Variants in SNAPC3 observed in about 807,000 individuals in gnomAD.
SNAPC3 encodes the protein small nuclear RNA activating complex polypeptide 3.
SNAPC3 carries 56 observed loss-of-function variants against 47.7 expected under a neutral mutation model. The observed-to-expected ratio is 1.18, with a 90% CI of 0.95 to 1.47. The LOEUF (loss-of-function observed/expected upper bound fraction) is 1.47. SNAPC3 is among the 40% of genes most tolerant of loss of function. The pLI is 0.00. For synonymous variants in SNAPC3, 235 were observed against 189.9 expected, an observed-to-expected ratio of 1.24 and a Z score of -1.95; for missense variants, 665 against 511.3, an observed-to-expected ratio of 1.30 and a Z score of -2.90.
chr9:15,423,341 G>C, intron 1 of SNAPC3, 148 bp downstream of exon 1: 1 of 798,240 alleles, frequency 1.3e-6, no homozygotes, highest in South Asian at 2.1e-5. Flanking sequence ...CAACCCGCTG[G>C]AGCCTTCCTG....
intron 2 of SNAPC3, among the ~76,000 whole-genome samples, chr9:15,428,038 G>A (rs1292058789): frequency 6.6e-6 from 1 of 150,518 alleles, no homozygotes; most frequent in African/African-American, 2.5e-5. Flanking sequence ...TTGAACCCGG[G>A]AGGTGGAGGT....
chr9:15,428,366 G>T (rs991476697), intron 2 of SNAPC3, among the ~76,000 whole-genome samples: 2 of 151,848 alleles, frequency 1.3e-5, no homozygotes, highest in African/African-American at 2.4e-5. Flanking sequence ...AAGTCTAGCC[G>T]GTCGTGGTGG....
chr9:15,449,561 A>ATTTT (rs1216051655), intron 5 of SNAPC3, among the ~76,000 whole-genome samples: 3 of 43,284 alleles, frequency 6.9e-5, no homozygotes, highest in Non-Finnish European at 1.1e-4. Context: ...ATATATATAT[A>ATTTT]TATTTTTTTT....
At chr9:15,442,811 A>G (rs1587300902) in intron 3 of SNAPC3, among the ~76,000 whole-genome samples, 1 of 152,186 alleles carries the variant, frequency 6.6e-6, no homozygotes, top group African/African-American at 2.4e-5. Context: ...TTGGGAGGCC[A>G]AGGCAGGCGG....
intron 7 of SNAPC3, among the ~76,000 whole-genome samples, chr9:15,454,944 TAAA>T (rs2034665134): frequency 6.6e-6 from 1 of 151,832 alleles, no homozygotes; most frequent in African/African-American, 2.4e-5. Flanking sequence ...AAAAAATAAA[TAAA>T]TAAGAAAATT....
rs377303868 is a variant in SNAPC3 at position 15,427,413 on chromosome 9, A to G, written c.392+3427A>G. Among the ~76,000 whole-genome samples the G allele has an allele frequency of 1.1e-4, 16 of 152,200 alleles. No homozygotes were observed. The East Asian group carries it at 1.5e-3, about 15-fold the overall frequency. The stretch of plus-strand genomic sequence containing the variant: ...GCCCAGGTTAGAGTGCAGTGGCTCA[A>G]TCTCTCCTCACTGCAACTTCTGCCT... On this transcript the variant is annotated intron_variant, in intron 2 of 8. Transcript: ENST00000380821.
intron 2 of SNAPC3, among the ~76,000 whole-genome samples, chr9:15,429,274 A>G (rs976305382): frequency 2.6e-5 from 4 of 152,222 alleles, no homozygotes; most frequent in South Asian, 2.1e-4. Flanking sequence ...AAGGTTATAG[A>G]AAAAGAGTTT....
At chr9:15,454,064 C>G (rs1057274558) in intron 7 of SNAPC3, among the ~76,000 whole-genome samples, 2 of 152,054 alleles carry the variant, frequency 1.3e-5, no homozygotes, top group African/African-American at 4.8e-5. Context: ...GTGAAACCCT[C>G]TCTACAAAGA....
At position 15,447,139 on chromosome 9, in the gene SNAPC3, T is replaced by G; in HGVS notation, c.627T>G (p.Ser209Arg). The change falls in exon 5 of 9, where the codon AGT becomes AGG. Residue 209 changes from serine (S) to arginine (R), a missense_variant. Ser to Arg is a moderately radical substitution (Grantham distance 110). Transcript: ENST00000380821. Reference protein sequence around the residue: ...KPYQTMLVLGSQKLTQLRDSI... With the variant: ...KPYQTMLVLGRQKLTQLRDSI... ...ACCAAACAATGCTGGTGTTGGGCAG[T>G]CAAAAACTCACACAACTGAGGGATT... 6.2e-7 allele frequency: 1 copy of G among 1,614,038 alleles called. No homozygotes were observed. The highest frequency in any genetic ancestry group is 8.5e-7 in the Non-Finnish European group (1 of 1,179,894).
intron 7 of SNAPC3, among the ~76,000 whole-genome samples, chr9:15,454,720 G>A (rs1408579061): frequency 3.3e-5 from 5 of 152,026 alleles, no homozygotes; most frequent in Admixed American, 1.3e-4. Context: ...GGCAGATCAC[G>A]AGGTCAGGAG....
chr9:15,451,488 A>G (rs1007563731), intron 6 of SNAPC3, 86 bp downstream of exon 6: 20 of 551,654 alleles, frequency 3.6e-5, no homozygotes, highest in East Asian at 5.9e-5. Context: ...TTATTGGCCT[A>G]TTAAGGACCT....
chr9:15,432,659 T>A (rs747093869), intron 2 of SNAPC3, among the ~76,000 whole-genome samples: 1 of 152,170 alleles, frequency 6.6e-6, no homozygotes, highest in Non-Finnish European at 1.5e-5. Flanking sequence ...AAAACAATTA[T>A]CTGTAGGTTC....
chr9:15,429,650 C>G (rs1242373767), intron 2 of SNAPC3, among the ~76,000 whole-genome samples: 2 of 152,042 alleles, frequency 1.3e-5, no homozygotes, highest in African/African-American at 4.8e-5. Context: ...ATAGAAATAT[C>G]AACTCCCCCT....
intron 7 of SNAPC3, chr9:15,453,414 A>G (rs192437793): frequency 4.5e-6 from 2 of 446,276 alleles, no homozygotes; most frequent in East Asian, 3.6e-5. Flanking sequence ...ATTTTGGAAA[A>G]TCTTTAAGAA....
intron 1 of SNAPC3, 26 bp from the exon 2 acceptor site, chr9:15,423,883 A>G (rs762454863): frequency 7.0e-7 from 1 of 1,431,152 alleles, no homozygotes; most frequent in Non-Finnish European, 9.5e-7. Context: ...TCGACCTTAA[A>G]GTATTGCTTT....
chr9:15,448,716 C>A (rs1318634781), intron 5 of SNAPC3, among the ~76,000 whole-genome samples: 2 of 152,132 alleles, frequency 1.3e-5, no homozygotes, highest in Non-Finnish European at 2.9e-5. Context: ...TATTTAGGTT[C>A]TTCAGGGTTG....
intron 2 of SNAPC3, among the ~76,000 whole-genome samples, chr9:15,432,509 G>A (rs1348293546): frequency 6.6e-6 from 1 of 151,848 alleles, no homozygotes; most frequent in African/African-American, 2.4e-5. Flanking sequence ...TTGTGGTGCC[G>A]GAAAGTAAGG....
intron 2 of SNAPC3, 47 bp downstream of exon 2, chr9:15,424,033 C>A: frequency 8.8e-7 from 1 of 1,131,916 alleles, no homozygotes; most frequent in Non-Finnish European, 1.3e-6. Flanking sequence ...AACATTTTTT[C>A]AACATTATGT....
intron 8 of SNAPC3, among the ~76,000 whole-genome samples, chr9:15,458,715 C>T (rs991698825): frequency 1.3e-5 from 2 of 151,946 alleles, no homozygotes; most frequent in Admixed American, 6.6e-5. Context: ...TCGCTTGAGG[C>T]CTGGAGACCA....
Sources: gnomAD v4.1 joint callset for allele counts (sites outside exome capture counted in the v4.1 genomes callset) on GRCh38, gnomAD v4.1.1 for gene constraint, MANE v1.5 for transcripts, NCBI Gene and HGNC (gene_info 2026-07-23, HGNC 2026-07-21) for gene names.